The following SEZ6L2 variants were observed in gnomAD, a reference collection of about 807,000 sequenced individuals.
SEZ6L2 encodes seizure 6-like protein 2.
Under a neutral mutation model 97.0 loss-of-function variants are expected in SEZ6L2, and 44 were observed. That is an observed-to-expected ratio of 0.45 (90% CI 0.36 to 0.58). The LOEUF (loss-of-function observed/expected upper bound fraction) is 0.58, where lower values mean the gene tolerates loss of function less well. Among genes scored for constraint, SEZ6L2 ranks in the 20% least tolerant of loss-of-function variants. SEZ6L2 has a pLI of 0.00. For synonymous variants in SEZ6L2, 543 were observed against 546.1 expected (o/e 0.99, Z 0.08); for missense variants, 1,086 against 1,233.3 (o/e 0.88, Z 1.79).
intron 12 of SEZ6L2, among the ~76,000 whole-genome samples, chr16:29,875,662 T>TTC (rs2067887601): frequency 5.7e-5 from 1 of 17,450 alleles, no homozygotes; most frequent in Non-Finnish European, 1.8e-4. Context: ...TCTTTCTTTC[T>TTC]TTCTTTTTTT....
chr16:29,883,438 T>C (rs1481722327), intron 8 of SEZ6L2, among the ~76,000 whole-genome samples: 3 of 152,036 alleles, frequency 2.0e-5, no homozygotes, highest in Non-Finnish European at 4.4e-5. Context: ...CAACCTTCCA[T>C]GTAGCTGGGA....
chr16:29,890,626 C>T lies in SEZ6L2; in HGVS notation c.854-1901G>A, dbSNP rs142696592. ...TCTTTTAAGAGATCAGACTGGGGGG[C>T]TTATGTACCACCTCTTCCAGGAAGC... On this transcript the variant is annotated intron_variant, in intron 5 of 17. Coordinates refer to ENST00000617533, the MANE Select transcript of SEZ6L2 (RefSeq NM_001243332.2). Among the ~76,000 whole-genome samples the T allele has an allele frequency of 1.4e-3, 214 of 151,990 alleles. 2 individuals carry two copies. The highest frequency in any genetic ancestry group is 4.6e-3 in the African/African-American group (190 of 41,462).
rs1567409571 is a variant in SEZ6L2, at chr16:29,873,420, G to A, written c.2308C>T (p.Pro770Ser). 6.2e-7 allele frequency: 1 copy of A among 1,614,232 alleles called. No homozygotes were observed. The highest frequency in any genetic ancestry group is 8.5e-7 in the Non-Finnish European group (1 of 1,180,038). Residue 770 changes from proline (P) to serine (S), a missense_variant, in exon 14 of 18, where the codon CCG (proline) becomes TCG (serine). By Grantham distance (74) the Pro-to-Ser change is moderately conservative (BLOSUM62 -1). Coordinates refer to ENST00000617533, the MANE Select transcript of SEZ6L2 (RefSeq NM_001243332.2). This position sits in a 1 kb window ranked among gnomAD's most constrained non-coding sequence, Gnocchi z 4.3. ...TCGGGAACCCCCGGGTTCAGGCACG[G>A]CTCGTACTTCACTGCGGGGAGCATG... is the stretch of plus-strand genomic sequence containing the variant. Reference protein sequence around the residue: ...RVPKCALKYEPCLNPGVPENG... With the variant: ...RVPKCALKYESCLNPGVPENG...
intron 7 of SEZ6L2, 152 bp downstream of exon 7, chr16:29,887,497 A>G (rs1384846964): frequency 4.5e-6 from 2 of 444,322 alleles, no homozygotes; most frequent in East Asian, 7.7e-5. Context: ...TATTTTTAGT[A>G]GAGATGGGGT....
At chr16:29,877,556 A>G in intron 10 of SEZ6L2, 89 bp from the exon 11 acceptor site, 1 of 1,213,544 alleles carries the variant, frequency 8.2e-7, no homozygotes, top group Non-Finnish European at 1.1e-6. Flanking sequence ...GCTCATTGGT[A>G]GCCCCTCCTA....
intron 7 of SEZ6L2, 119 bp from the exon 8 acceptor site, chr16:29,885,868 C>A: frequency 2.1e-6 from 2 of 961,568 alleles, no homozygotes; most frequent in Non-Finnish European, 3.0e-6. Flanking sequence ...ATATGCCACG[C>A]ACTCTTCTAA....
chr16:29,899,083 C>T lies in SEZ6L2; in HGVS notation c.-64G>A, dbSNP rs561503938. ...AGTAATCTGGCTGCCACCTTTCCTCCGTCTCCGTTTATCTTTCCCTTTAAT... is the reference window on the plus strand; with the variant it reads ...AGTAATCTGGCTGCCACCTTTCCTCTGTCTCCGTTTATCTTTCCCTTTAAT... On this transcript the variant is annotated 5_prime_UTR_variant, in exon 1 of 18. Coordinates refer to ENST00000617533, the MANE Select transcript of SEZ6L2 (RefSeq NM_001243332.2). 1.7e-5 allele frequency: 19 copies of T among 1,103,170 alleles called. No individual in the cohort carries two copies. In the East Asian group the frequency reaches 4.5e-4, roughly 26 times the overall value. 68.3% of individuals were successfully genotyped at this position (1,103,170 alleles called of 1,614,324 possible).
rs898831011 is a variant in SEZ6L2 at position 29,892,148 on chromosome 16, G to C, written c.853+3111C>G. ...GTAATGGGAAAGTTTGCTGAACTTG[G>C]GGTGAGGGGTGAAGGAGACTTTGGC... is the stretch of plus-strand genomic sequence containing the variant. On this transcript the variant is annotated intron_variant, in intron 5 of 17. Coordinates refer to ENST00000617533, the MANE Select transcript of SEZ6L2 (RefSeq NM_001243332.2). Among the ~76,000 whole-genome samples, 3 of 152,232 alleles carry C rather than the reference G, an allele frequency of 2.0e-5. No homozygotes were observed. In the East Asian group the frequency reaches 5.8e-4, roughly 29 times the overall value.
At chr16:29,893,134 G>A (rs913059466) in intron 5 of SEZ6L2, among the ~76,000 whole-genome samples, 2 of 152,002 alleles carry the variant, frequency 1.3e-5, no homozygotes, top group Non-Finnish European at 2.9e-5. Flanking sequence ...AGACCAGCCT[G>A]ACCAACATGG....
chr16:29,892,298 C>T (rs1489579320), intron 5 of SEZ6L2, among the ~76,000 whole-genome samples: 2 of 152,212 alleles, frequency 1.3e-5, no homozygotes, highest in Admixed American at 6.5e-5. Flanking sequence ...GAAGACTGAG[C>T]AATGAAGGCC....
chr16:29,895,907 G>T, intron 3 of SEZ6L2, 47 bp from the exon 4 acceptor site: 1 of 1,556,864 alleles, frequency 6.4e-7, no homozygotes, highest in Non-Finnish European at 8.7e-7. Context: ...CTGTGCTTTT[G>T]CCCTCCCAGC....
intron 7 of SEZ6L2, 35 bp downstream of exon 7, chr16:29,887,614 G>C: frequency 1.3e-6 from 2 of 1,520,634 alleles, no homozygotes; most frequent in South Asian, 2.6e-5. Context: ...GCCCGGCCAA[G>C]GTGGGGACTT....
rs754816508 is a variant in SEZ6L2, at chr16:29,895,678, A to C, written c.651+43T>G. 1.9e-6 allele frequency: 3 copies of C among 1,586,860 alleles called. No individual in the cohort carries two copies. In the Admixed American group the frequency reaches 5.4e-5, roughly 28 times the overall value. ...CCGTGCACACCCACAGCCCAGAGGA[A>C]AAGGCTTGGAAGCTGCACAGTCACA... On this transcript the variant is annotated intron_variant, in intron 4 of 17. Coordinates refer to ENST00000617533, the MANE Select transcript of SEZ6L2 (RefSeq NM_001243332.2).
In SEZ6L2 at chr16:29,872,208, G is replaced by T. The variant is rs1190170707; in HGVS notation, c.2721C>A (p.Ser907Arg). ...TTACCCCAGCTTCATACAGCGGGTT[G>T]CTGAAGTCCGACTCCACGGTGATGG... ...YSPITVESDFSNPLYEAGDTR... is the reference protein window; with the variant it reads ...YSPITVESDFRNPLYEAGDTR... Residue 907 changes from serine to arginine, a missense_variant, in exon 17 of 18, where the codon AGC (serine) becomes AGA (arginine). Around this residue, in one of 2 missense-constraint regions of SEZ6L2, gnomAD observed 310 missense variants for 438.6 expected, o/e 0.71. Coordinates refer to ENST00000617533, the MANE Select transcript of SEZ6L2 (RefSeq NM_001243332.2). 1 of 1,609,538 alleles carries T rather than the reference G, an allele frequency of 6.2e-7. No homozygotes were observed. The highest frequency in any genetic ancestry group is 1.7e-5 in the Admixed American group (1 of 59,086).
intron 17 of SEZ6L2, among the ~76,000 whole-genome samples, 173 bp downstream of exon 17, chr16:29,872,014 A>C (rs1281321372): frequency 6.6e-6 from 1 of 152,178 alleles, no homozygotes; most frequent in East Asian, 1.9e-4. Context: ...ACTTAGCCAC[A>C]GTCCTCACCA....
intron 9 of SEZ6L2, among the ~76,000 whole-genome samples, chr16:29,879,438 T>C (rs1015946236): frequency 6.6e-6 from 1 of 151,894 alleles, no homozygotes; most frequent in Non-Finnish European, 1.5e-5. Flanking sequence ...TTGATCAGGC[T>C]GGTCTCGAAC....
At chr16:29,888,767 T>C in intron 5 of SEZ6L2, 42 bp from the exon 6 acceptor site, 1 of 1,552,882 alleles carries the variant, frequency 6.4e-7, no homozygotes, top group Non-Finnish European at 8.7e-7. Flanking sequence ...CACTTTCCCA[T>C]GCCACCCTCT....
At position 29,873,546 on chromosome 16, in the gene SEZ6L2, T is replaced by G. The variant is rs1209403352; in HGVS notation, c.2288A>C (p.Lys763Thr). Residue 763 changes from lysine (K) to threonine (T), a missense_variant, in exon 13 of 18, where the codon AAA becomes ACA. Lys to Thr is a moderately conservative substitution (Grantham distance 78). Transcript: ENST00000617533. The surrounding 1 kb of genome is among the most constrained non-coding windows in gnomAD (Gnocchi z 4.3). ...GTGTGCCCCAGACTCACAGGCGCAT[T>G]TGGGGACCCTATCGCTCCACTTGGG... ...GTPKWSDRVP[K>T]CALKYEPCLN... 1.2e-6 allele frequency: 2 copies of G among 1,614,026 alleles called. No individual in the cohort carries two copies. Among genetic ancestry groups the G allele is most frequent in the Non-Finnish European group, 8.5e-7 (1 of 1,180,014 alleles).
Position 29,885,567 on chromosome 16 carries a change from G to C in SEZ6L2, c.1372+19C>G, listed in dbSNP as rs1382640361. ...GAAGGTGTGGCGGTTGGGGTCCTGT[G>C]GGGGAGTGGGTCACTTACCTTCAAA... On this transcript the variant is annotated intron_variant, in intron 8 of 17. Coordinates refer to ENST00000617533, the MANE Select transcript of SEZ6L2 (RefSeq NM_001243332.2). 3 of 1,607,368 alleles carry C rather than the reference G, an allele frequency of 1.9e-6. No homozygotes were observed. The highest frequency in any genetic ancestry group is 1.7e-5 in the Admixed American group (1 of 59,894).
Sources: allele counts gnomAD v4.1 joint callset (sites outside exome capture counted in the v4.1 genomes callset), GRCh38; gene constraint gnomAD v4.1.1; regional missense constraint gnomAD v4.1.1; non-coding constraint Gnocchi (gnomAD v3.1); transcripts MANE v1.5; gene names NCBI Gene and HGNC (gene_info 2026-07-23, HGNC 2026-07-21).